The following TMEM132B variants were observed in gnomAD, a reference collection of about 807,000 sequenced individuals.
TMEM132B encodes the protein transmembrane protein 132B.
In TMEM132B, 18 loss-of-function variants were observed where a neutral mutation model predicts 90.8. The observed-to-expected ratio is 0.20, with a 90% CI of 0.14 to 0.29. The LOEUF is 0.29. Among genes scored for constraint, TMEM132B ranks in the 10% least tolerant of loss-of-function variants. TMEM132B has a pLI of 1.00. For synonymous variants in TMEM132B, 504 were observed against 523.3 expected (o/e 0.96, Z 0.50); for missense variants, 1,096 against 1,326.8 (o/e 0.83, Z 2.70).
chr12:125,501,020 G>A (rs997115809), intron 3 of TMEM132B, among the ~76,000 whole-genome samples: 6 of 152,180 alleles, frequency 3.9e-5, no homozygotes, highest in Non-Finnish European at 8.8e-5. Flanking sequence ...AGGGTTTTAT[G>A]TCAGCTTTTG....
intron 1 of TMEM132B, among the ~76,000 whole-genome samples, chr12:125,289,994 G>C (rs954527243): frequency 6.6e-6 from 1 of 152,098 alleles, no homozygotes; most frequent in Non-Finnish European, 1.5e-5. Context: ...CATGCTTTAT[G>C]TCCCCCTTAA....
At chr12:125,578,020 C>T (rs1325633909) in intron 4 of TMEM132B, among the ~76,000 whole-genome samples, 1 of 151,974 alleles carries the variant, frequency 6.6e-6, no homozygotes, top group Non-Finnish European at 1.5e-5. Flanking sequence ...ATGGCCTGAC[C>T]TGTGGTATGT....
intron 3 of TMEM132B, among the ~76,000 whole-genome samples, chr12:125,494,923 GGTGCGT>G: frequency 8.6e-6 from 1 of 116,484 alleles, no homozygotes; most frequent in African/African-American, 3.4e-5. Flanking sequence ...CCTGGAAATG[GGTGCGT>G]CCCTCTTCCC....
chr12:125,423,273 G>A (rs1236291977), intron 3 of TMEM132B, among the ~76,000 whole-genome samples: 4 of 152,204 alleles, frequency 2.6e-5, no homozygotes, highest in African/African-American at 4.8e-5. Flanking sequence ...TAGATTTACA[G>A]TCACACTTGC....
chr12:125,573,739 T>C (rs901611362), intron 4 of TMEM132B, among the ~76,000 whole-genome samples: 1 of 152,156 alleles, frequency 6.6e-6, no homozygotes, highest in African/African-American at 2.4e-5. Flanking sequence ...AGTCTTGTGT[T>C]CTTAGAGCTT....
At chr12:125,371,761 A>G (rs901811310) in intron 2 of TMEM132B, among the ~76,000 whole-genome samples, 3 of 152,234 alleles carry the variant, frequency 2.0e-5, no homozygotes, top group African/African-American at 7.2e-5. Flanking sequence ...GGGGAATTCA[A>G]AGGGACAGTA....
chr12:125,237,432 G>C (rs893213591), intron 1 of TMEM132B, among the ~76,000 whole-genome samples: 38 of 152,242 alleles, frequency 2.5e-4, no homozygotes, highest in African/African-American at 8.4e-4. Context: ...TAGCTTGCCA[G>C]GATAAGTTGG....
intron 1 of TMEM132B, among the ~76,000 whole-genome samples, chr12:125,242,665 G>T (rs569833951): frequency 2.0e-5 from 3 of 152,324 alleles, no homozygotes; most frequent in African/African-American, 7.2e-5. Flanking sequence ...CCTCTAGGGT[G>T]TCTGAGGATC....
chr12:125,484,756 T>C (rs1194262333), intron 3 of TMEM132B, among the ~76,000 whole-genome samples: 1 of 152,056 alleles, frequency 6.6e-6, no homozygotes, highest in Non-Finnish European at 1.5e-5. Flanking sequence ...TCAGCCTCCA[T>C]GCCCAGCTAA....
At chr12:125,565,855 GA>G (rs1407846081) in intron 4 of TMEM132B, among the ~76,000 whole-genome samples, 2 of 152,176 alleles carry the variant, frequency 1.3e-5, no homozygotes, top group Non-Finnish European at 2.9e-5. Context: ...TTTTGGGTGT[GA>G]AAAAAGGAAT....
intron 3 of TMEM132B, among the ~76,000 whole-genome samples, chr12:125,497,463 A>G (rs897013086): frequency 1.6e-4 from 24 of 152,298 alleles, no homozygotes; most frequent in Non-Finnish European, 3.2e-4. Flanking sequence ...CAGGCTTCCA[A>G]GGTTCCATAC....
chr12:125,549,037 A>G (rs1345780152), intron 4 of TMEM132B, among the ~76,000 whole-genome samples: 1 of 152,220 alleles, frequency 6.6e-6, no homozygotes, highest in Admixed American at 6.5e-5. Flanking sequence ...ATCATCAGAG[A>G]TCCTCTCTAA....
intron 4 of TMEM132B, among the ~76,000 whole-genome samples, chr12:125,555,411 G>T (rs570812486): frequency 6.6e-6 from 1 of 151,272 alleles, no homozygotes; most frequent in African/African-American, 2.4e-5. Flanking sequence ...AGATTCTTGA[G>T]AATCAGTCTG....
At chr12:125,608,567 G>A (rs1885752794) in intron 5 of TMEM132B, among the ~76,000 whole-genome samples, 1 of 152,080 alleles carries the variant, frequency 6.6e-6, no homozygotes. Context: ...AAGGTTTTCA[G>A]TTTTGATCAA....
At chr12:125,510,300 A>G (rs1336729085) in intron 3 of TMEM132B, among the ~76,000 whole-genome samples, 2 of 152,296 alleles carry the variant, frequency 1.3e-5, no homozygotes, top group Middle Eastern at 3.4e-3. Context: ...CTCTGAGAAA[A>G]TGTTGGTAAG....
rs114086505 is a variant in TMEM132B, at chr12:125,445,641, C to G, written c.1106+29964C>G. Reference sequence around the variant, plus strand: ...CTCCACCCCAGCTGTGAACCCTGAGCGTGTGATCCCTTGGCAAGCTCACAA... The same window carrying G: ...CTCCACCCCAGCTGTGAACCCTGAGGGTGTGATCCCTTGGCAAGCTCACAA... On this transcript the variant is annotated intron_variant, in intron 3 of 8. Coordinates refer to ENST00000682704, the MANE Select transcript of TMEM132B (RefSeq NM_001366854.1). This position sits in a 1 kb window ranked among gnomAD's most constrained non-coding sequence, Gnocchi z 4.3. 7.1e-3 allele frequency among the ~76,000 whole-genome samples: 1,076 copies of G among 152,278 alleles called. 8 individuals are homozygous for G. The highest frequency in any genetic ancestry group is 0.024 in the African/African-American group (1,014 of 41,544).
At chr12:125,639,800 T>C (rs1886582030) in intron 5 of TMEM132B, among the ~76,000 whole-genome samples, 1 of 152,180 alleles carries the variant, frequency 6.6e-6, no homozygotes, top group Non-Finnish European at 1.5e-5. Flanking sequence ...TAGGAGTGGC[T>C]CCGGGAATGC....
chr12:125,206,873 G>A (rs1306577800), intron 1 of TMEM132B, among the ~76,000 whole-genome samples: 2 of 152,228 alleles, frequency 1.3e-5, no homozygotes, highest in East Asian at 3.8e-4. Flanking sequence ...TGGACGCATT[G>A]TTTCTGTGCT....
At position 125,275,702 on chromosome 12, in the gene TMEM132B, G is replaced by A. The variant is rs560644948; in HGVS notation, c.68-73750G>A. ...TGTAATTTTGTTATCTTGCATCCTT[G>A]GAAACCTTTGGCTAATGTGTTTTTT... is the stretch of plus-strand genomic sequence containing the variant. On this transcript the variant is annotated intron_variant, in intron 1 of 8. Coordinates refer to ENST00000682704, the MANE Select transcript of TMEM132B (RefSeq NM_001366854.1). Among the ~76,000 whole-genome samples the A allele has an allele frequency of 2.0e-5, 3 of 152,208 alleles. No homozygotes were observed. In the East Asian group the frequency reaches 5.8e-4, roughly 29 times the overall value.
Sources: gnomAD v4.1 joint callset for allele counts (sites outside exome capture counted in the v4.1 genomes callset) on GRCh38, gnomAD v4.1.1 for gene constraint, Gnocchi (gnomAD v3.1) non-coding constraint, MANE v1.5 for transcripts, NCBI Gene and HGNC (gene_info 2026-07-23, HGNC 2026-07-21) for gene names.